The following GAS2L1 variants were observed in gnomAD, a reference collection of about 807,000 sequenced individuals.
The protein encoded by GAS2L1 is GAS2-like protein 1.
In GAS2L1, 26 loss-of-function variants were observed where a neutral mutation model predicts 44.0. The ratio of observed to expected loss-of-function variants is 0.59; its 90% confidence interval spans 0.43 to 0.82. The LOEUF (loss-of-function observed/expected upper bound fraction) is 0.82, where lower values mean the gene tolerates loss of function less well. Ranked by LOEUF, GAS2L1 falls within the 40% of genes least tolerant of loss-of-function variation. GAS2L1 has a pLI of 0.00. For missense variants in GAS2L1, 1,006 were observed against 983.0 expected (o/e 1.02, Z -0.31); for synonymous variants, 426 against 415.9 (o/e 1.02, Z -0.30).
chr22:29,310,583 A>ACCACCTT, intron 2 of GAS2L1, 37 bp downstream of exon 3: 1 of 1,587,348 alleles, frequency 6.3e-7, no homozygotes, highest in Non-Finnish European at 8.7e-7. Context: ...GCAGCAGCCA[A>ACCACCTT]GGTGGTGGGC....
rs550907092 is a variant in GAS2L1 at position 29,311,182 on chromosome 22, G to A, written c.1010+184G>A. ...ACCAAACCAACAACACAGCTGGGGC[G>A]GGCCCTGTGGCTGGGCGGCAGCCAG... On this transcript the variant is annotated intron_variant, in intron 4 of 4. Coordinates refer to ENST00000618518, the Ensembl canonical transcript of GAS2L1. 1,586 of 621,392 alleles carry A rather than the reference G, an allele frequency of 2.6e-3. 6 individuals carry two copies. Among genetic ancestry groups the A allele is most frequent in the Non-Finnish European group, 2.2e-3 (795 of 360,174 alleles). 38.5% of individuals were successfully genotyped at this position (621,392 alleles called of 1,614,324 possible). A position where few individuals can be genotyped will look rare whatever the true frequency, so the allele number is the denominator to read the frequency against.
chr22:29,312,385 C>G lies in GAS2L1; in HGVS notation c.1934C>G (p.Ser645Ter). 1 of 1,591,872 alleles carries G rather than the reference C, an allele frequency of 6.3e-7. No homozygotes were observed. The highest frequency in any genetic ancestry group is 8.6e-7 in the Non-Finnish European group (1 of 1,165,768). Residue 645 changes from serine to a stop codon, truncating the protein, a stop_gained, in exon 5 of 5, where the codon TCA becomes TGA. Transcript: ENST00000618518. LOFTEE classifies it high-confidence loss of function. ...GACACACAGCCAGACCGTAAACCCTCACGTATCCCCACGCCTCGGGGCCCC... is the reference window on the plus strand; with the variant it reads ...GACACACAGCCAGACCGTAAACCCTGACGTATCCCCACGCCTCGGGGCCCC...
chr22:29,308,368 A>G, exon 1 of GAS2L1: 1 of 1,605,808 alleles, frequency 6.2e-7, no homozygotes, highest in African/African-American at 1.3e-5. Context: ...GTGGCCTTCC[A>G]GGCGCACAGT....
intron 1 of GAS2L1, 171 bp from the exon 3 acceptor site, chr22:29,310,268 T>A (rs79162541): frequency 0.42 from 156,233 of 372,050 alleles, 33,262 homozygotes; most frequent in Admixed American, 0.52. Flanking sequence ...TAAAAAAAAA[T>A]AAAAAAAATA....
At chr22:29,311,560 G>T in exon 5 of GAS2L1, 2 of 1,542,704 alleles carry the variant, frequency 1.3e-6, no homozygotes, top group South Asian at 1.2e-5. Flanking sequence ...CTTGGTACCC[G>T]CAGTGATGAC....
At chr22:29,307,419 G>C (rs9613859) in exon 1 of GAS2L1, 54,443 of 152,244 alleles carry the variant, frequency 0.36, 10,134 homozygotes, top group East Asian at 0.65. Context: ...CGCCGAGACC[G>C]GCCACGCTGC....
exon 5 of GAS2L1, chr22:29,312,007 G>A (rs1478355438): frequency 3.7e-6 from 6 of 1,611,716 alleles, no homozygotes; most frequent in East Asian, 2.2e-5. Context: ...CAGCTGTTCC[G>A]GCGCCTGGAA....
intron 1 of GAS2L1, among the ~76,000 whole-genome samples, chr22:29,309,636 G>C (rs1602647888): frequency 6.6e-6 from 1 of 152,222 alleles, no homozygotes; most frequent in Non-Finnish European, 1.5e-5. Context: ...GGCTCTGGTG[G>C]GGGGCTGTAT....
At chr22:29,306,989 G>C (rs950119276), upstream of GAS2L1, 11 of 152,296 alleles carry the variant, frequency 7.2e-5, no homozygotes, top group African/African-American at 2.4e-4. Flanking sequence ...CGCCCCCTCC[G>C]GGCAGGATCC....
At chr22:29,308,606 G>A (rs950717626) in exon 1 of GAS2L1, 1 of 1,595,236 alleles carries the variant, frequency 6.3e-7, no homozygotes, top group African/African-American at 1.3e-5. Flanking sequence ...TTGAGCGGGA[G>A]CTGCGTGCTG....
exon 5 of GAS2L1, chr22:29,311,684 C>T: frequency 1.3e-6 from 2 of 1,518,338 alleles, no homozygotes; most frequent in South Asian, 1.2e-5. Flanking sequence ...GGCTGGATCG[C>T]GGCCGGCCCC....
Position 29,311,455 on chromosome 22 carries a change from GCC to G in GAS2L1, c.1011-4_1011-3del. On this transcript the variant is annotated splice_polypyrimidine_tract_variant and splice_region_variant and intron_variant, in intron 4 of 4. Transcript: ENST00000618518. ...CCCCATCTGTCTCTATTGTCCCCCT[GCC>G]CCAGGCCCCGGGATCAGCTGCCCCC... 8.5e-7 allele frequency: 1 copy of G among 1,173,442 alleles called. No homozygotes were observed. Among genetic ancestry groups the G allele is most frequent in the Non-Finnish European group, 1.2e-6 (1 of 833,594 alleles). The allele number at this position is 1,173,442 out of a possible 1,614,324, so 72.7% of individuals were successfully genotyped here.
exon 5 of GAS2L1, chr22:29,312,331 C>A: frequency 6.2e-7 from 1 of 1,604,854 alleles, no homozygotes; most frequent in Middle Eastern, 1.7e-4. Flanking sequence ...TGCACTGAAC[C>A]CTCGAGGACC....
exon 1 of GAS2L1, chr22:29,308,411 C>T (rs1602644723): frequency 6.2e-7 from 1 of 1,608,482 alleles, no homozygotes; most frequent in Non-Finnish European, 8.5e-7. Context: ...CGCGCGACAA[C>T]GTGGCCACCT....
chr22:29,310,420 CCTCT>C lies in GAS2L1; in HGVS notation c.634-12_634-9del, dbSNP rs751694747. The C allele has an allele frequency of 1.9e-5, 26 of 1,401,568 alleles. No individual in the cohort carries two copies. Among genetic ancestry groups the C allele is most frequent in the Admixed American group, 5.1e-5 (3 of 59,236 alleles). 86.8% of individuals were successfully genotyped at this position (1,401,568 alleles called of 1,614,324 possible). On this transcript the variant is annotated splice_polypyrimidine_tract_variant and intron_variant, in intron 1 of 4. Coordinates refer to ENST00000618518, the Ensembl canonical transcript of GAS2L1. ...GGAGGACTTGACCTCTGACCCCTAC[CCTCT>C]CTCTCTGGCCTCAGGTGAGGGAGAT... is the stretch of plus-strand genomic sequence containing the variant.
exon 1 of GAS2L1, chr22:29,308,405 C>T (rs2061370697): frequency 1.2e-6 from 2 of 1,608,228 alleles, no homozygotes; most frequent in African/African-American, 1.3e-5. Context: ...TCATGGCGCG[C>T]GACAACGTGG....
intron 1 of GAS2L1, 181 bp from the exon 3 acceptor site, chr22:29,310,258 T>TA (rs1169109475): frequency 2.0e-4 from 61 of 306,610 alleles, no homozygotes; most frequent in Middle Eastern, 8.3e-4. Flanking sequence ...AAAAAAAAAA[T>TA]AAAAAAAAAT....
chr22:29,311,484 C>A (rs1262285573), exon 5 of GAS2L1: 10 of 1,468,634 alleles, frequency 6.8e-6, no homozygotes, highest in East Asian at 2.5e-5. Context: ...GCTGCCCCCC[C>A]ATCCCCGCTC....
exon 2 of GAS2L1, chr22:29,310,513 T>A: frequency 6.2e-7 from 1 of 1,610,566 alleles, no homozygotes; most frequent in Non-Finnish European, 8.5e-7. Context: ...GGAAGTACCG[T>A]GTGGGGGACT....
Sources: gnomAD v4.1 joint callset for allele counts (sites outside exome capture counted in the v4.1 genomes callset) on GRCh38, gnomAD v4.1.1 for gene constraint, MANE v1.5 for transcripts, NCBI Gene and HGNC (gene_info 2026-07-23, HGNC 2026-07-21) for gene names.